Variants in KCNB2 observed in about 807,000 individuals in gnomAD.
KCNB2 encodes potassium voltage-gated channel subfamily B member 2.
Under a neutral mutation model 61.5 loss-of-function variants are expected in KCNB2, and 15 were observed. The observed-to-expected ratio is 0.24, with a 90% confidence interval of 0.16 to 0.38. KCNB2 has a LOEUF of 0.38. Ranked by LOEUF, KCNB2 falls within the 10% of genes least tolerant of loss-of-function variation. The pLI is 1.00. For synonymous variants in KCNB2, 457 were observed against 446.0 expected, an observed-to-expected ratio of 1.02 and a Z score of -0.31; for missense variants, 828 against 1,125.2, an observed-to-expected ratio of 0.74 and a Z score of 3.78.
At chr8:72,832,622 C>A (rs1417728416) in intron 2 of KCNB2, among the ~76,000 whole-genome samples, 2 of 152,186 alleles carry the variant, frequency 1.3e-5, no homozygotes, top group Admixed American at 1.3e-4. Flanking sequence ...TGAGACTTAA[C>A]CCGCTTCCAA....
chr8:72,857,178 C>G (rs1291021723), intron 2 of KCNB2, among the ~76,000 whole-genome samples: 3 of 152,128 alleles, frequency 2.0e-5, no homozygotes, highest in Non-Finnish European at 4.4e-5. Context: ...GTACATGAGC[C>G]TCTTGAGGGA....
chr8:72,646,783 C>T (rs1806135947), intron 2 of KCNB2, among the ~76,000 whole-genome samples: 1 of 152,114 alleles, frequency 6.6e-6, no homozygotes, highest in Non-Finnish European at 1.5e-5. Context: ...GAAATTCATT[C>T]TAGTAAAAGT....
chr8:72,892,705 T>C (rs1231577202), intron 2 of KCNB2, among the ~76,000 whole-genome samples: 1 of 152,190 alleles, frequency 6.6e-6, no homozygotes, highest in Non-Finnish European at 1.5e-5. Flanking sequence ...TAAGCCCGTT[T>C]CCTTCTCCTA....
intron 2 of KCNB2, among the ~76,000 whole-genome samples, chr8:72,858,693 T>C (rs907294363): frequency 6.6e-6 from 1 of 152,124 alleles, no homozygotes; most frequent in African/African-American, 2.4e-5. Context: ...ATACATGAAG[T>C]TTCAAGATAG....
At chr8:72,748,800 T>C (rs892138396) in intron 2 of KCNB2, among the ~76,000 whole-genome samples, 10 of 152,132 alleles carry the variant, frequency 6.6e-5, no homozygotes, top group African/African-American at 2.2e-4. Context: ...CATTATGAAA[T>C]GGCTCAGTGA....
At position 72,657,859 on chromosome 8, in the gene KCNB2, T is replaced by G. The variant is rs144678019; in HGVS notation, c.579+89546T>G. Among the ~76,000 whole-genome samples, 391 of 152,204 alleles carry G rather than the reference T, an allele frequency of 2.6e-3. 3 individuals are homozygous for G. The highest frequency in any genetic ancestry group is 8.9e-3 in the African/African-American group (371 of 41,522). On this transcript the variant is annotated intron_variant, in intron 2 of 2. Transcript: ENST00000523207. Reference sequence around the variant, plus strand: ...ATATCTAAAAACATTCTCCTTAAAATGATAATTTTGGGGGTGACACAATTC... The same window carrying G: ...ATATCTAAAAACATTCTCCTTAAAAGGATAATTTTGGGGGTGACACAATTC...
intron 2 of KCNB2, among the ~76,000 whole-genome samples, chr8:72,831,150 G>A (rs1192500679): frequency 6.6e-6 from 1 of 152,218 alleles, no homozygotes; most frequent in Non-Finnish European, 1.5e-5. Flanking sequence ...CCAAGCCACA[G>A]GCTTAGGCTG....
At chr8:72,588,862 C>T (rs1807043525) in intron 2 of KCNB2, among the ~76,000 whole-genome samples, 1 of 152,162 alleles carries the variant, frequency 6.6e-6, no homozygotes, top group Admixed American at 6.5e-5. Context: ...CACCACTACA[C>T]TCCAGCCTGG....
At chr8:72,573,201 C>T (rs1806741816) in intron 2 of KCNB2, among the ~76,000 whole-genome samples, 1 of 152,052 alleles carries the variant, frequency 6.6e-6, no homozygotes, top group African/African-American at 2.4e-5. Context: ...GTGTACTTAT[C>T]AAGGAAGAAA....
At chr8:72,773,477 A>G (rs527622255) in intron 2 of KCNB2, among the ~76,000 whole-genome samples, 1 of 152,250 alleles carries the variant, frequency 6.6e-6, no homozygotes, top group South Asian at 2.1e-4. Flanking sequence ...TTGACCATTC[A>G]ATTATTCCTT....
intron 2 of KCNB2, among the ~76,000 whole-genome samples, chr8:72,737,933 T>G (rs1422456834): frequency 2.0e-5 from 3 of 152,154 alleles, no homozygotes; most frequent in Non-Finnish European, 4.4e-5. Flanking sequence ...AGATGCAGGA[T>G]TTTCCTCATT....
rs144710701 is a variant in KCNB2, at chr8:72,784,512, T to C, written c.580-151423T>C. ...GGTTTAATTGACTCACAGTTCCACA[T>C]GGCTGGGGAGGCCGCAGGAAACTTA... On this transcript the variant is annotated intron_variant, in intron 2 of 2. Transcript: ENST00000523207. Among the ~76,000 whole-genome samples the C allele has an allele frequency of 6.8e-4, 103 of 152,310 alleles. 1 individual carries two copies. The highest frequency in any genetic ancestry group is 2.4e-3 in the African/African-American group (98 of 41,570).
intron 1 of KCNB2, among the ~76,000 whole-genome samples, chr8:72,556,094 A>G (rs779326672): frequency 8.5e-5 from 13 of 152,128 alleles, no homozygotes; most frequent in Non-Finnish European, 1.3e-4. Context: ...GGTACAAGTC[A>G]CGTGAACTCA....
chr8:72,713,357 G>A (rs1288864226), intron 2 of KCNB2, among the ~76,000 whole-genome samples: 1 of 152,224 alleles, frequency 6.6e-6, no homozygotes, highest in Admixed American at 6.5e-5. Context: ...CGGGCAGACT[G>A]CCTCTTCAAG....
At chr8:72,851,826 G>GAAACAAAAAAAAA in intron 2 of KCNB2, among the ~76,000 whole-genome samples, 1 of 43,868 alleles carries the variant, frequency 2.3e-5, no homozygotes, top group Non-Finnish European at 3.9e-5. Context: ...GAAGCTGTAG[G>GAAACAAAAAAAAA]AAAAAAAAAA....
intron 2 of KCNB2, among the ~76,000 whole-genome samples, chr8:72,932,284 C>T (rs532182316): frequency 4.6e-5 from 7 of 152,286 alleles, no homozygotes; most frequent in Middle Eastern, 3.4e-3. Flanking sequence ...TATATGTCTA[C>T]GTGTAAGTGT....
intron 2 of KCNB2, among the ~76,000 whole-genome samples, chr8:72,803,072 A>G (rs1809157512): frequency 1.3e-5 from 2 of 152,288 alleles, no homozygotes; most frequent in Admixed American, 1.3e-4. Flanking sequence ...ACTGCTGACA[A>G]CTGTAGCTCT....
intron 2 of KCNB2, among the ~76,000 whole-genome samples, chr8:72,668,770 G>T (rs895637774): frequency 6.6e-6 from 1 of 152,044 alleles, no homozygotes; most frequent in African/African-American, 2.4e-5. Flanking sequence ...TTATTTACTT[G>T]TTTATTATTT....
intron 2 of KCNB2, among the ~76,000 whole-genome samples, chr8:72,809,934 C>G (rs1809281073): frequency 6.6e-6 from 1 of 152,164 alleles, no homozygotes; most frequent in South Asian, 2.1e-4. Flanking sequence ...ACCCATCACT[C>G]TAACTATAAT....
Sources: allele counts gnomAD v4.1 joint callset (sites outside exome capture counted in the v4.1 genomes callset), GRCh38; gene constraint gnomAD v4.1.1; transcripts MANE v1.5; gene names NCBI Gene and HGNC (gene_info 2026-07-23, HGNC 2026-07-21).